UBR3: variants seen among roughly 807,000 people sequenced by gnomAD.
UBR3 encodes ubiquitin protein ligase E3 component n-recognin 3, also known as E3 ubiquitin-protein ligase UBR3.
Under a neutral mutation model 243.2 loss-of-function variants are expected in UBR3, and 85 were observed. The observed-to-expected ratio is 0.35, with a 90% CI of 0.29 to 0.42. UBR3 has a LOEUF of 0.42. UBR3 is among the 10% of genes least tolerant of loss of function. The pLI is 1.00. For missense variants in UBR3, 1,686 were observed against 2,300.8 expected (o/e 0.73, Z 5.47); for synonymous variants, 748 against 799.8 (o/e 0.94, Z 1.09).
At chr2:170,012,829 C>T (rs916280249) in intron 29 of UBR3, among the ~76,000 whole-genome samples, 5 of 151,952 alleles carry the variant, frequency 3.3e-5, no homozygotes, top group East Asian at 3.9e-4. Flanking sequence ...TGTGTACACA[C>T]GTTTGCTTTT....
intron 13 of UBR3, among the ~76,000 whole-genome samples, chr2:169,924,641 TA>T (rs2085837141): frequency 6.6e-6 from 1 of 152,198 alleles, no homozygotes; most frequent in East Asian, 1.9e-4. Flanking sequence ...TTATATACAT[TA>T]GAGGGACTTG....
chr2:169,853,096 T>A (rs1244809108), intron 1 of UBR3, among the ~76,000 whole-genome samples: 1 of 152,314 alleles, frequency 6.6e-6, no homozygotes, highest in South Asian at 2.1e-4. Context: ...AGCCTAAATA[T>A]AACTAACACA....
At chr2:169,866,424 C>G (rs1445713628) in intron 1 of UBR3, among the ~76,000 whole-genome samples, 1 of 150,372 alleles carries the variant, frequency 6.7e-6, no homozygotes, top group Non-Finnish European at 1.5e-5. Flanking sequence ...AGTGCAGTGG[C>G]GAGATCTCAG....
intron 25 of UBR3, among the ~76,000 whole-genome samples, chr2:169,990,320 A>G (rs2089214617): frequency 6.6e-6 from 1 of 152,068 alleles, no homozygotes; most frequent in Non-Finnish European, 1.5e-5. Flanking sequence ...GCCTGTTGTA[A>G]ACATTACTGA....
At chr2:169,894,552 A>G (rs1053702201) in intron 6 of UBR3, among the ~76,000 whole-genome samples, 6 of 152,164 alleles carry the variant, frequency 3.9e-5, no homozygotes, top group Admixed American at 3.9e-4. Context: ...TATATCTAAT[A>G]AGGACTGATT....
intron 24 of UBR3, among the ~76,000 whole-genome samples, chr2:169,981,884 TAAAAATGATGACTAATTGAAG>T (rs2088752175): frequency 6.6e-6 from 1 of 152,036 alleles, no homozygotes; most frequent in Non-Finnish European, 1.5e-5. Context: ...AGAATGATAA[TAAAAATGATGACTAATTGAAG>T]ATAATACTGT....
chr2:170,060,322 T>C (rs2091432378), intron 33 of UBR3, among the ~76,000 whole-genome samples: 1 of 152,238 alleles, frequency 6.6e-6, no homozygotes, highest in East Asian at 1.9e-4. Flanking sequence ...AGCCATTATT[T>C]TTTCTTTCTG....
chr2:170,072,066 T>G (rs2091709356), intron 35 of UBR3, among the ~76,000 whole-genome samples: 1 of 152,126 alleles, frequency 6.6e-6, no homozygotes, highest in African/African-American at 2.4e-5. Flanking sequence ...GCCATCCCAT[T>G]ACTGGGTATA....
Position 169,986,766 on chromosome 2 carries a change from A to G in UBR3, c.3756A>G (p.Gly1252=). 1 of 1,614,080 alleles carries G rather than the reference A, an allele frequency of 6.2e-7. No homozygotes were observed. Among genetic ancestry groups the G allele is most frequent in the Non-Finnish European group, 8.5e-7 (1 of 1,179,992 alleles). Residue 1252 remains glycine (G), a synonymous_variant, in exon 25 of 39, where the codon GGA becomes GGG. Coordinates refer to ENST00000272793, the MANE Select transcript of UBR3 (RefSeq NM_172070.4). ...CCTCCTCTGAAGATCGACCTACTGG[A>G]TTAGTTGTACTGTTACAAGCATCCT... ...SGPSSEDRPT[G]LVVLLQASSV... is the part of the protein sequence containing the mutation.
chr2:169,896,883 A>G (rs1039617629), intron 8 of UBR3, 148 bp downstream of exon 8: 2 of 535,158 alleles, frequency 3.7e-6, no homozygotes, highest in African/African-American at 3.9e-5. Context: ...TTGTATAACT[A>G]GTCTTGAAAA....
intron 18 of UBR3, among the ~76,000 whole-genome samples, chr2:169,932,007 G>T (rs16857294): frequency 0.012 from 1,771 of 152,036 alleles, 49 homozygotes; most frequent in African/African-American, 0.039. Flanking sequence ...TTTTAGCAAA[G>T]GAGCAGAAAA....
intron 1 of UBR3, among the ~76,000 whole-genome samples, chr2:169,844,652 C>T (rs2082408629): frequency 1.3e-5 from 2 of 151,872 alleles, no homozygotes; most frequent in East Asian, 1.9e-4. Flanking sequence ...CACCACTGCG[C>T]CTAGCTAATT....
intron 29 of UBR3, chr2:170,013,932 C>T (rs1158009585): frequency 2.1e-6 from 1 of 469,696 alleles, no homozygotes; most frequent in Admixed American, 2.4e-5. Flanking sequence ...CGCTCGCTTT[C>T]TGTCCACTAG....
chr2:169,908,675 G>A (rs965055961), intron 10 of UBR3, among the ~76,000 whole-genome samples: 2 of 152,174 alleles, frequency 1.3e-5, no homozygotes, highest in Non-Finnish European at 2.9e-5. Flanking sequence ...TAATGAGTAT[G>A]AGGACTGAAG....
chr2:170,011,787 C>G (rs1327065637), intron 29 of UBR3, among the ~76,000 whole-genome samples: 1 of 152,030 alleles, frequency 6.6e-6, no homozygotes, highest in Non-Finnish European at 1.5e-5. Context: ...TCATTACATT[C>G]AAGTTTCAAT....
rs869283640 is a variant in UBR3 at position 169,852,850 on chromosome 2, CAAAAAAAA to C, written c.546-19365_546-19358del. Among the ~76,000 whole-genome samples the C allele has an allele frequency of 1.9e-4, 9 of 48,300 alleles. No homozygotes were observed. The East Asian group carries it at 3.1e-3, about 17-fold the overall frequency. 31.7% of individuals were successfully genotyped at this position (48,300 alleles called of 152,430 possible). On this transcript the variant is annotated intron_variant, in intron 1 of 38. Coordinates refer to ENST00000272793, the MANE Select transcript of UBR3 (RefSeq NM_172070.4). Reference sequence around the variant, plus strand: ...TGGGTGAAAGAGTGAGACTTCATCTCAAAAAAAAAAAAAAAAAAAAAAAAAAAACAAAA... The same window carrying C: ...TGGGTGAAAGAGTGAGACTTCATCTCAAAAAAAAAAAAAAAAAAAACAAAA...
chr2:170,010,518 G>A (rs2090051806), intron 29 of UBR3, among the ~76,000 whole-genome samples: 1 of 152,088 alleles, frequency 6.6e-6, no homozygotes, highest in Non-Finnish European at 1.5e-5. Flanking sequence ...TAATTTAGTG[G>A]AAGTTTTAGA....
intron 32 of UBR3, among the ~76,000 whole-genome samples, chr2:170,047,202 G>T (rs34074721): frequency 0.48 from 72,353 of 151,178 alleles, 17,954 homozygotes; most frequent in Non-Finnish European, 0.56. Context: ...TCGGGGGGGG[G>T]GTCTCACTTT....
At position 169,982,830 on chromosome 2, in the gene UBR3, C is replaced by A. The variant is rs1207769710; in HGVS notation, c.3635-3815C>A. 3.9e-5 allele frequency among the ~76,000 whole-genome samples: 6 copies of A among 152,226 alleles called. No homozygotes were observed. In the East Asian group the frequency reaches 1.2e-3, roughly 29 times the overall value. On this transcript the variant is annotated intron_variant, in intron 24 of 38. Transcript: ENST00000272793. The stretch of plus-strand genomic sequence containing the variant: ...AAAATTTAGTGATTTAAAAAAACAA[C>A]CCCTAGTTAGTTTTCATCAGTCAAT...
Sources: allele counts gnomAD v4.1 joint callset (sites outside exome capture counted in the v4.1 genomes callset), GRCh38; gene constraint gnomAD v4.1.1; transcripts MANE v1.5; gene names NCBI Gene and HGNC (gene_info 2026-07-23, HGNC 2026-07-21).